Variants in SLC4A4 observed in about 807,000 individuals in gnomAD.
SLC4A4 encodes solute carrier family 4 member 4, also known as electrogenic sodium bicarbonate cotransporter 1.
Under a neutral mutation model 111.5 loss-of-function variants are expected in SLC4A4, and 27 were observed. The ratio of observed to expected loss-of-function variants is 0.24; its 90% CI spans 0.18 to 0.33. The LOEUF (loss-of-function observed/expected upper bound fraction) is 0.33, where lower values mean the gene tolerates loss of function less well. Among genes scored for constraint, SLC4A4 ranks in the 10% least tolerant of loss-of-function variants. The pLI, the probability that SLC4A4 is intolerant of heterozygous loss-of-function variation, is 1.00. For synonymous variants in SLC4A4, 443 were observed against 463.4 expected, an observed-to-expected ratio of 0.96 and a Z score of 0.57; for missense variants, 909 against 1,315.5, an observed-to-expected ratio of 0.69 and a Z score of 4.78.
At chr4:71,068,509 GT>G (rs1259745721) in intron 1 of SLC4A4, among the ~76,000 whole-genome samples, 1 of 151,670 alleles carries the variant, frequency 6.6e-6, no homozygotes, top group Non-Finnish European at 1.5e-5. Context: ...ATAACCACTA[GT>G]CTGATTTTCA....
At chr4:71,087,711 G>A (rs576219659) in intron 1 of SLC4A4, among the ~76,000 whole-genome samples, 4 of 152,000 alleles carry the variant, frequency 2.6e-5, no homozygotes, top group Non-Finnish European at 5.9e-5. Flanking sequence ...GTAGTTGAGC[G>A]GTTTTGAGCA....
intron 2 of SLC4A4, among the ~76,000 whole-genome samples, chr4:71,105,201 A>C (rs917609971): frequency 6.7e-6 from 1 of 149,658 alleles, no homozygotes; most frequent in Admixed American, 6.7e-5. Context: ...ATACCTAGGA[A>C]TCCAACTCAC....
intron 2 of SLC4A4, among the ~76,000 whole-genome samples, chr4:71,240,742 T>G (rs912596234): frequency 1.3e-4 from 20 of 152,224 alleles, no homozygotes; most frequent in African/African-American, 4.6e-4. Context: ...AATAAATGAA[T>G]GTATAACATA....
intron 3 of SLC4A4, among the ~76,000 whole-genome samples, chr4:71,278,583 T>C (rs1362848384): frequency 6.6e-6 from 1 of 152,196 alleles, no homozygotes; most frequent in Non-Finnish European, 1.5e-5. Flanking sequence ...AGGGTTCCCT[T>C]TGCTTCATAT....
chr4:71,443,116 C>CTATATATATATA (rs1168996571), intron 8 of SLC4A4, among the ~76,000 whole-genome samples: 12 of 65,650 alleles, frequency 1.8e-4, no homozygotes, highest in East Asian at 5.5e-4. Flanking sequence ...CTCTCTCTCT[C>CTATATATATATA]TATATATATA....
At chr4:71,135,017 A>G (rs1743805201) in intron 2 of SLC4A4, among the ~76,000 whole-genome samples, 1 of 152,216 alleles carries the variant, frequency 6.6e-6, no homozygotes, top group South Asian at 2.1e-4. Flanking sequence ...TACAGTTGCC[A>G]TGAGTCCATC....
At chr4:71,176,248 T>A (rs1745091465) in intron 2 of SLC4A4, among the ~76,000 whole-genome samples, 1 of 152,044 alleles carries the variant, frequency 6.6e-6, no homozygotes, top group African/African-American at 2.4e-5. Flanking sequence ...ACAGAAACAC[T>A]GGAAACTCTA....
rs575258261 is a variant in SLC4A4, at chr4:71,480,004, G to T, written c.1904-6944G>T. ...AAAGAGAAGTTTTTGTGAAATTGGG[G>T]ACAAAATATGCCCATCTTTTTTTTT... is the stretch of plus-strand genomic sequence containing the variant. On this transcript the variant is annotated intron_variant, in intron 14 of 25. Coordinates refer to ENST00000264485, the MANE Select transcript of SLC4A4 (RefSeq NM_001098484.3). 1.7e-4 allele frequency among the ~76,000 whole-genome samples: 25 copies of T among 144,104 alleles called. No homozygotes were observed. In the Middle Eastern group the frequency reaches 0.011, roughly 61 times the overall value. The allele number at this position is 144,104 out of a possible 152,430, so 94.5% of individuals were successfully genotyped here. A position where few individuals can be genotyped will look rare whatever the true frequency, so the allele number is the denominator to read the frequency against.
chr4:71,564,248 A>G lies in SLC4A4; in HGVS notation c.3196+359A>G, dbSNP rs540272356. Among the ~76,000 whole-genome samples the G allele has an allele frequency of 1.6e-3, 240 of 151,140 alleles. 2 individuals carry two copies. The highest frequency in any genetic ancestry group is 5.9e-4 in the Non-Finnish European group (40 of 67,780). On this transcript the variant is annotated intron_variant, in intron 24 of 25. Coordinates refer to ENST00000264485, the MANE Select transcript of SLC4A4 (RefSeq NM_001098484.3). ...ATCACTGTCACTGTTTGTCTTCCTT[A>G]GGTTTTAACTAGTGATCAAATCAGC...
chr4:71,133,105 T>G (rs1042197894), intron 2 of SLC4A4, among the ~76,000 whole-genome samples: 18 of 152,154 alleles, frequency 1.2e-4, no homozygotes, highest in African/African-American at 4.1e-4. Context: ...TTTGGAAAAT[T>G]TTTATTGTAA....
chr4:71,180,074 CA>C (rs1284516018), intron 2 of SLC4A4, among the ~76,000 whole-genome samples: 1 of 152,174 alleles, frequency 6.6e-6, no homozygotes, highest in Non-Finnish European at 1.5e-5. Context: ...TGATCTTTGA[CA>C]AACCTGACAA....
At chr4:71,560,784 A>T (rs145716236) in intron 23 of SLC4A4, among the ~76,000 whole-genome samples, 1 of 151,782 alleles carries the variant, frequency 6.6e-6, no homozygotes, top group African/African-American at 2.4e-5. Context: ...ATTTTTCTGT[A>T]GTTCTTCAAT....
At chr4:71,132,049 T>C (rs1262869833) in intron 2 of SLC4A4, among the ~76,000 whole-genome samples, 1 of 152,218 alleles carries the variant, frequency 6.6e-6, no homozygotes, top group South Asian at 2.1e-4. Context: ...CGGCATATCT[T>C]TGTGAGCTTT....
At chr4:71,369,754 G>A (rs1731677759) in intron 6 of SLC4A4, among the ~76,000 whole-genome samples, 1 of 152,168 alleles carries the variant, frequency 6.6e-6, no homozygotes, top group Non-Finnish European at 1.5e-5. Context: ...GAAGCTACAT[G>A]CACTTTCCCA....
intron 3 of SLC4A4, among the ~76,000 whole-genome samples, chr4:71,270,336 C>T (rs553592204): frequency 1.8e-4 from 27 of 152,208 alleles, no homozygotes; most frequent in Middle Eastern, 3.4e-3. Context: ...GTGATCCGCC[C>T]GCCTCGGCCT....
chr4:71,184,033 G>A (rs1021462523), upstream of SLC4A4, among the ~76,000 whole-genome samples: 1 of 152,000 alleles, frequency 6.6e-6, no homozygotes, highest in East Asian at 1.9e-4. Flanking sequence ...TATATTTATG[G>A]ATTCTGCTCT....
intron 2 of SLC4A4, among the ~76,000 whole-genome samples, chr4:71,120,868 C>T (rs961088923): frequency 1.3e-5 from 2 of 152,234 alleles, no homozygotes; most frequent in African/African-American, 2.4e-5. Context: ...ACTGTGGGAG[C>T]CCCTCTCTGG....
At chr4:71,479,629 C>T (rs190474826) in intron 14 of SLC4A4, among the ~76,000 whole-genome samples, 4 of 151,820 alleles carry the variant, frequency 2.6e-5, no homozygotes, top group Non-Finnish European at 5.9e-5. Flanking sequence ...GCCATTCCCT[C>T]TTTATGAGGT....
At chr4:71,081,525 C>T (rs1452057497) in intron 1 of SLC4A4, among the ~76,000 whole-genome samples, 2 of 152,094 alleles carry the variant, frequency 1.3e-5, no homozygotes, top group Non-Finnish European at 2.9e-5. Context: ...GCCAGTGATG[C>T]TTTTGCAAAG....
Sources: allele counts gnomAD v4.1 joint callset (sites outside exome capture counted in the v4.1 genomes callset), GRCh38; gene constraint gnomAD v4.1.1; transcripts MANE v1.5; gene names NCBI Gene and HGNC (gene_info 2026-07-23, HGNC 2026-07-21).